ADAMTSL3: variants seen among roughly 807,000 people sequenced by gnomAD.
The protein encoded by ADAMTSL3 is ADAMTS like 3, also known as ADAMTS-like protein 3.
ADAMTSL3 carries 128 observed loss-of-function variants against 201.7 expected under a neutral mutation model. That is an observed-to-expected ratio of 0.63 (90% CI 0.55 to 0.73). ADAMTSL3 has a LOEUF of 0.73. ADAMTSL3 is among the 30% of genes least tolerant of loss of function. The pLI is 0.00. For synonymous variants in ADAMTSL3, 738 were observed against 748.4 expected, an observed-to-expected ratio of 0.99 and a Z score of 0.23; for missense variants, 1,990 against 2,119.6, an observed-to-expected ratio of 0.94 and a Z score of 1.20.
At chr15:83,927,224 C>G (rs1390380971) in intron 17 of ADAMTSL3, among the ~76,000 whole-genome samples, 3 of 151,848 alleles carry the variant, frequency 2.0e-5, no homozygotes, top group African/African-American at 7.3e-5. Context: ...TCAAGTGATT[C>G]TCCTGCCTGA....
At chr15:83,656,471 G>T (rs2061085535) in intron 2 of ADAMTSL3, among the ~76,000 whole-genome samples, 1 of 152,218 alleles carries the variant, frequency 6.6e-6, no homozygotes, top group African/African-American at 2.4e-5. Flanking sequence ...AATTCCATCT[G>T]ATCGTTGCTA....
At chr15:83,877,130 G>T (rs1490359321) in intron 9 of ADAMTSL3, among the ~76,000 whole-genome samples, 1 of 151,738 alleles carries the variant, frequency 6.6e-6, no homozygotes, top group Non-Finnish European at 1.5e-5. Context: ...TGTAGTAACA[G>T]GATCCAGCTG....
chr15:83,948,132 A>G (rs759692393), intron 19 of ADAMTSL3, among the ~76,000 whole-genome samples: 2 of 152,224 alleles, frequency 1.3e-5, no homozygotes, highest in African/African-American at 4.8e-5. Context: ...AGATATGTCC[A>G]GGATACATGG....
intron 25 of ADAMTSL3, among the ~76,000 whole-genome samples, chr15:84,020,745 A>G (rs2068188351): frequency 6.6e-6 from 1 of 152,184 alleles, no homozygotes; most frequent in Non-Finnish European, 1.5e-5. Context: ...GGGAAGGGAA[A>G]GGCTGTTTGG....
chr15:83,762,888 CTTCT>C (rs1032972118), intron 3 of ADAMTSL3, among the ~76,000 whole-genome samples: 1 of 81,856 alleles, frequency 1.2e-5, no homozygotes, highest in Non-Finnish European at 2.1e-5. Context: ...TTTTGATTTA[CTTCT>C]TTTTTTTTTT....
intron 2 of ADAMTSL3, among the ~76,000 whole-genome samples, chr15:83,687,169 A>T (rs566731437): frequency 6.6e-6 from 1 of 152,220 alleles, no homozygotes. Context: ...GTACCACTGC[A>T]CTTCAGCCTG....
chr15:83,687,312 G>A (rs367888654), intron 2 of ADAMTSL3, among the ~76,000 whole-genome samples: 63 of 152,272 alleles, frequency 4.1e-4, no homozygotes, highest in Admixed American at 2.0e-3. Context: ...CATGTAATCA[G>A]TATGAAAATC....
At chr15:83,724,336 G>A (rs2062142556) in intron 3 of ADAMTSL3, among the ~76,000 whole-genome samples, 1 of 152,006 alleles carries the variant, frequency 6.6e-6, no homozygotes, top group Non-Finnish European at 1.5e-5. Flanking sequence ...CTGACCTCTT[G>A]ATCTGCCTGC....
intron 3 of ADAMTSL3, among the ~76,000 whole-genome samples, chr15:83,741,067 A>G (rs1044868727): frequency 2.0e-5 from 3 of 152,030 alleles, no homozygotes; most frequent in Non-Finnish European, 2.9e-5. Flanking sequence ...GTAGAAAGAG[A>G]TAGAAAGCTT....
Position 83,963,344 on chromosome 15 carries a change from A to G in ADAMTSL3, c.2491-7140A>G, listed in dbSNP as rs1034582078. On this transcript the variant is annotated intron_variant, in intron 19 of 29. Transcript: ENST00000286744. ...GGGGAAGGGGCGTCCACCATTACTG[A>G]GGCTTGAGTAGGCAGCTTACCCCTC... Among the ~76,000 whole-genome samples, 7 of 152,118 alleles carry G rather than the reference A, an allele frequency of 4.6e-5. 1 individual carries two copies. The East Asian group carries it at 1.4e-3, about 29-fold the overall frequency.
chr15:83,877,441 G>C (rs974021320), intron 9 of ADAMTSL3, among the ~76,000 whole-genome samples: 1 of 152,156 alleles, frequency 6.6e-6, no homozygotes, highest in Non-Finnish European at 1.5e-5. Flanking sequence ...TGTATTTATG[G>C]ACCCTACTTT....
At chr15:83,858,503 G>C (rs984614424) in intron 7 of ADAMTSL3, among the ~76,000 whole-genome samples, 1 of 152,116 alleles carries the variant, frequency 6.6e-6, no homozygotes, top group African/African-American at 2.4e-5. Context: ...CTCCCGGGTA[G>C]CTGGGACTAC....
intron 19 of ADAMTSL3, among the ~76,000 whole-genome samples, chr15:83,960,746 G>A (rs564911804): frequency 1.3e-5 from 2 of 152,306 alleles, no homozygotes; most frequent in African/African-American, 4.8e-5. Flanking sequence ...GATGTGGGTA[G>A]AGGAAATAAG....
intron 2 of ADAMTSL3, among the ~76,000 whole-genome samples, chr15:83,681,028 T>A (rs1379517192): frequency 6.6e-6 from 1 of 152,234 alleles, no homozygotes; most frequent in Non-Finnish European, 1.5e-5. Flanking sequence ...GTTTTATTCC[T>A]GTTTACATAT....
chr15:83,990,877 T>C, intron 22 of ADAMTSL3, among the ~76,000 whole-genome samples: 1 of 152,136 alleles, frequency 6.6e-6, no homozygotes, highest in East Asian at 1.9e-4. Context: ...CATCGAACCA[T>C]CTATCCATTC....
intron 15 of ADAMTSL3, among the ~76,000 whole-genome samples, chr15:83,906,131 T>G (rs2065827447): frequency 6.6e-6 from 1 of 152,192 alleles, no homozygotes; most frequent in African/African-American, 2.4e-5. Context: ...TTATTTGAAT[T>G]ACTGTGTCTT....
At chr15:83,830,490 C>T (rs1276453039) in intron 6 of ADAMTSL3, among the ~76,000 whole-genome samples, 1 of 152,190 alleles carries the variant, frequency 6.6e-6, no homozygotes, top group Non-Finnish European at 1.5e-5. Flanking sequence ...GTGGCACATA[C>T]TTCAGAGAAG....
intron 20 of ADAMTSL3, among the ~76,000 whole-genome samples, chr15:83,976,989 C>T (rs1235116319): frequency 6.6e-6 from 1 of 152,054 alleles, no homozygotes; most frequent in Non-Finnish European, 1.5e-5. Context: ...GATCAGGGGT[C>T]CCCAACCCCC....
chr15:83,939,480 CATAAT>C (rs1041254862), intron 17 of ADAMTSL3, among the ~76,000 whole-genome samples: 8 of 152,038 alleles, frequency 5.3e-5, no homozygotes, highest in African/African-American at 1.9e-4. Context: ...AATTTATTGA[CATAAT>C]GTTTTTCATT....
Sources: allele counts gnomAD v4.1 joint callset (sites outside exome capture counted in the v4.1 genomes callset), GRCh38; gene constraint gnomAD v4.1.1; transcripts MANE v1.5; gene names NCBI Gene and HGNC (gene_info 2026-07-23, HGNC 2026-07-21).